The following ACER3 variants were observed in gnomAD, a reference collection of about 807,000 sequenced individuals.
ACER3 encodes alkCDase 3.
In ACER3, 16 loss-of-function variants were observed where a neutral mutation model predicts 48.9. That is an observed-to-expected ratio of 0.33 (90% CI 0.22 to 0.50). The LOEUF (loss-of-function observed/expected upper bound fraction) is 0.50, where lower values mean the gene tolerates loss of function less well. ACER3 is among the 20% of genes least tolerant of loss of function. ACER3 has a pLI of 0.98. For missense variants in ACER3, 227 were observed against 326.0 expected, an observed-to-expected ratio of 0.70 and a Z score of 2.34; for synonymous variants, 109 against 107.8, an observed-to-expected ratio of 1.01 and a Z score of -0.07.
intron 1 of ACER3, among the ~76,000 whole-genome samples, chr11:76,922,457 A>G (rs1387505730): frequency 2.0e-5 from 3 of 152,130 alleles, no homozygotes; most frequent in South Asian, 2.1e-4. Flanking sequence ...GGTTTACTTA[A>G]AACTATTGAT....
chr11:76,976,564 C>T (rs928929481), intron 4 of ACER3, among the ~76,000 whole-genome samples: 19 of 152,056 alleles, frequency 1.2e-4, no homozygotes, highest in Non-Finnish European at 7.4e-5. Context: ...TAGATAGGAT[C>T]TAAATAGCTT....
intron 7 of ACER3, among the ~76,000 whole-genome samples, chr11:76,999,758 C>T (rs1948989824): frequency 6.6e-6 from 1 of 152,100 alleles, no homozygotes; most frequent in African/African-American, 2.4e-5. Context: ...TTGAACTCAG[C>T]ATAATTATCC....
intron 3 of ACER3, among the ~76,000 whole-genome samples, chr11:76,973,793 C>G (rs1948369243): frequency 1.3e-5 from 2 of 152,060 alleles, no homozygotes; most frequent in Non-Finnish European, 2.9e-5. Context: ...GGTATCATAG[C>G]TAAAAAACTA....
At chr11:76,908,431 C>T (rs989290474) in intron 1 of ACER3, among the ~76,000 whole-genome samples, 1 of 145,426 alleles carries the variant, frequency 6.9e-6, no homozygotes, top group African/African-American at 2.5e-5. Context: ...GCAGAAATCA[C>T]AAGCATCCCT....
intron 1 of ACER3, among the ~76,000 whole-genome samples, chr11:76,882,626 A>G (rs1007349501): frequency 6.6e-6 from 1 of 152,148 alleles, no homozygotes; most frequent in Non-Finnish European, 1.5e-5. Context: ...ATCAGTCTCA[A>G]TTGATATTCT....
At chr11:76,940,655 C>T (rs912037509) in intron 2 of ACER3, among the ~76,000 whole-genome samples, 1 of 152,146 alleles carries the variant, frequency 6.6e-6, no homozygotes, top group African/African-American at 2.4e-5. Flanking sequence ...TATCCACCAA[C>T]TGTGGTGGTA....
chr11:76,928,966 A>G (rs942844102), intron 2 of ACER3, among the ~76,000 whole-genome samples: 32 of 152,248 alleles, frequency 2.1e-4, no homozygotes, highest in African/African-American at 7.7e-4. Context: ...TTCCATATGA[A>G]CTTTAAAGTA....
At chr11:76,969,287 A>G (rs1393360498) in intron 3 of ACER3, among the ~76,000 whole-genome samples, 1 of 152,222 alleles carries the variant, frequency 6.6e-6, no homozygotes, top group Non-Finnish European at 1.5e-5. Context: ...TTAAAAAGTC[A>G]GGAAACAACA....
Position 77,026,219 on chromosome 11 carries a change from C to T in ACER3, c.*5892C>T, listed in dbSNP as rs1949548015. ...TTTTCTCATGTCATATAAAATGTGC[C>T]ACATGGTAGTTGTCAAGCTGTGGTA... On this transcript the variant is annotated 3_prime_UTR_variant, in exon 11 of 11. Coordinates refer to ENST00000532485, the MANE Select transcript of ACER3 (RefSeq NM_018367.7). 6.6e-6 allele frequency: 1 copy of T among 152,130 alleles called. No homozygotes were observed. The highest frequency in any genetic ancestry group is 2.1e-4 in the South Asian group (1 of 4,824). 9.4% of individuals were successfully genotyped at this position (152,130 alleles called of 1,614,324 possible). A position where few individuals can be genotyped will look rare whatever the true frequency, so the allele number is the denominator to read the frequency against.
chr11:76,869,048 C>T (rs1945173824), intron 1 of ACER3, among the ~76,000 whole-genome samples: 1 of 152,188 alleles, frequency 6.6e-6, no homozygotes, highest in Non-Finnish European at 1.5e-5. Context: ...AACCTGTTTA[C>T]CTGGGTTCTG....
At chr11:77,020,094 C>G (rs1949447264) in intron 10 of ACER3, among the ~76,000 whole-genome samples, 180 bp from the exon 11 acceptor site, 1 of 152,122 alleles carries the variant, frequency 6.6e-6, no homozygotes, top group Non-Finnish European at 1.5e-5. Flanking sequence ...AATAAAAATA[C>G]TCTCTGATAT....
intron 2 of ACER3, among the ~76,000 whole-genome samples, chr11:76,945,315 A>T (rs1055601035): frequency 2.6e-5 from 4 of 152,094 alleles, no homozygotes; most frequent in African/African-American, 9.7e-5. Context: ...ATATCTAAAC[A>T]TCTGGTTTAG....
rs560627291 is a variant in ACER3, at chr11:76,968,507, A to G, written c.268-7782A>G. Among the ~76,000 whole-genome samples, 3 of 152,334 alleles carry G rather than the reference A, an allele frequency of 2.0e-5. No individual in the cohort carries two copies. The East Asian group carries it at 5.8e-4, about 29-fold the overall frequency. On this transcript the variant is annotated intron_variant, in intron 3 of 10. Transcript: ENST00000532485. ...CAAGTCAATCCTAAGCCAAAAGAAC[A>G]AAGCTGGAGGCATCACTCTACCTGA...
At position 76,874,416 on chromosome 11, in the gene ACER3, C is replaced by A. The variant is rs879350919; in HGVS notation, c.103+13337C>A. Among the ~76,000 whole-genome samples, 723 of 123,396 alleles carry A rather than the reference C, an allele frequency of 5.9e-3. 5 individuals are homozygous for A. Among genetic ancestry groups the A allele is most frequent in the Middle Eastern group, 0.024 (6 of 246 alleles). The allele number at this position is 123,396 out of a possible 152,430, so 81.0% of individuals were successfully genotyped here. ...ATAAAAATAAGTTAAAAAAAAAAAA[C>A]AAAACTAACCCATGCTGTATAACAG... On this transcript the variant is annotated intron_variant, in intron 1 of 10. Transcript: ENST00000532485.
intron 1 of ACER3, among the ~76,000 whole-genome samples, chr11:76,922,864 T>C (rs988559796): frequency 1.4e-4 from 22 of 152,284 alleles, no homozygotes; most frequent in Admixed American, 1.2e-3. Context: ...ACATGTAAAA[T>C]ATAAAGTTCA....
At chr11:76,990,099 C>T (rs551027771) in intron 5 of ACER3, among the ~76,000 whole-genome samples, 3 of 152,264 alleles carry the variant, frequency 2.0e-5, no homozygotes, top group South Asian at 2.1e-4. Context: ...AGGAAGGATG[C>T]GTCTTCTAGT....
At chr11:76,963,810 G>A (rs1385365248) in intron 3 of ACER3, among the ~76,000 whole-genome samples, 1 of 151,376 alleles carries the variant, frequency 6.6e-6, no homozygotes, top group Non-Finnish European at 1.5e-5. Context: ...ACATTATGCT[G>A]CGTTAAGAAA....
chr11:76,870,659 A>G (rs987041995), intron 1 of ACER3, among the ~76,000 whole-genome samples: 10 of 152,190 alleles, frequency 6.6e-5, no homozygotes, highest in African/African-American at 2.4e-4. Context: ...TCACTCTTAC[A>G]TAAATTTTAA....
intron 1 of ACER3, among the ~76,000 whole-genome samples, chr11:76,924,366 G>A (rs1946761942): frequency 6.6e-6 from 1 of 151,868 alleles, no homozygotes; most frequent in African/African-American, 2.4e-5. Context: ...ATTTATTTAT[G>A]TATTTATTTA....
Sources: gnomAD v4.1 joint callset for allele counts (sites outside exome capture counted in the v4.1 genomes callset) on GRCh38, gnomAD v4.1.1 for gene constraint, MANE v1.5 for transcripts, NCBI Gene and HGNC (gene_info 2026-07-23, HGNC 2026-07-21) for gene names.